OR51M1: variants seen among roughly 807,000 people sequenced by gnomAD.
OR51M1 encodes the protein olfactory receptor 51M1.
For missense variants in OR51M1, 509 were observed against 404.4 expected, an observed-to-expected ratio of 1.26 and a Z score of -2.22; for synonymous variants, 199 against 155.1, an observed-to-expected ratio of 1.28 and a Z score of -2.10.
Position 5,391,963 on chromosome 11 carries a change from G to A in OR51M1, c.*1584G>A, listed in dbSNP as rs1204155580. ...GCACGTCTGTAGTCTCAGCTACCTG[G>A]GAGGCTGAGGTGGGAAGAATGCTTG... is the stretch of plus-strand genomic sequence containing the variant. On this transcript the variant is annotated 3_prime_UTR_variant, in exon 3 of 3. Transcript: ENST00000642046. 1 of 152,266 alleles carries A rather than the reference G, an allele frequency of 6.6e-6. No homozygotes were observed. The highest frequency in any genetic ancestry group is 2.4e-5 in the African/African-American group (1 of 41,450). 9.4% of individuals were successfully genotyped at this position (152,266 alleles called of 1,614,324 possible). A position where few individuals can be genotyped will look rare whatever the true frequency, so the allele number is the denominator to read the frequency against.
chr11:5,384,175 C>G (rs547801746), intron 1 of OR51M1, among the ~76,000 whole-genome samples: 1 of 152,028 alleles, frequency 6.6e-6, no homozygotes, highest in East Asian at 1.9e-4. Flanking sequence ...GTTGTTGTTT[C>G]TTTGTTTGTT....
chr11:5,389,397 G>A lies in OR51M1; in HGVS notation c.-2G>A. 1.2e-6 allele frequency: 2 copies of A among 1,610,256 alleles called. No individual in the cohort carries two copies. Among genetic ancestry groups the A allele is most frequent in the Non-Finnish European group, 1.7e-6 (2 of 1,177,026 alleles). ...ATTTATTTTCAGCTCAATCCCCGAG[G>A]AATGTCAGTCCAATATTCGCTCAGT... On this transcript the variant is annotated 5_prime_UTR_variant, in exon 3 of 3. Coordinates refer to ENST00000642046, the MANE Select transcript of OR51M1 (RefSeq NM_001004756.3).
At chr11:5,385,685 C>G (rs1376376282) in intron 2 of OR51M1, among the ~76,000 whole-genome samples, 4 of 143,600 alleles carry the variant, frequency 2.8e-5, no homozygotes, top group African/African-American at 8.0e-5. Context: ...TAAATACTAC[C>G]TATAATATAT....
intron 2 of OR51M1, 150 bp downstream of exon 2, chr11:5,385,608 G>C (rs1589967314): frequency 1.3e-5 from 2 of 151,956 alleles, no homozygotes; most frequent in African/African-American, 4.8e-5. Context: ...TTAGGTTGGT[G>C]AAAAATTAAT....
At position 5,390,382 on chromosome 11, in the gene OR51M1, C is replaced by A. The variant is rs376030473; in HGVS notation, c.*3C>A. 1.0e-5 allele frequency: 16 copies of A among 1,581,594 alleles called. No individual in the cohort carries two copies. The highest frequency in any genetic ancestry group is 1.3e-5 in the African/African-American group (1 of 74,388). On this transcript the variant is annotated 3_prime_UTR_variant, in exon 3 of 3. Coordinates refer to ENST00000642046, the MANE Select transcript of OR51M1 (RefSeq NM_001004756.3). ...GTCTTAAAAAGGCCAGTAAATGAGT[C>A]CTGGGGCTAAAACTCCCCCTAGAGG...
In OR51M1 at chr11:5,385,375, T is replaced by C. The variant is rs1849671668; in HGVS notation, c.-99T>C. 6.6e-6 allele frequency: 1 copy of C among 152,232 alleles called. No homozygotes were observed. Among genetic ancestry groups the C allele is most frequent in the African/African-American group, 2.4e-5 (1 of 41,458 alleles). The allele number at this position is 152,232 out of a possible 1,614,324, so 9.4% of individuals were successfully genotyped here. Reference sequence around the variant, plus strand: ...TAGACATCTTGTTTCTACCAGATCCTTCTCCCTGTCCATCTCATCACTCTG... The same window carrying C: ...TAGACATCTTGTTTCTACCAGATCCCTCTCCCTGTCCATCTCATCACTCTG... On this transcript the variant is annotated 5_prime_UTR_variant, in exon 2 of 3. Coordinates refer to ENST00000642046, the MANE Select transcript of OR51M1 (RefSeq NM_001004756.3).
chr11:5,392,476 C>A lies in OR51M1; in HGVS notation c.*2097C>A, dbSNP rs548205989. The A allele has an allele frequency of 6.6e-6, 1 of 152,252 alleles. No homozygotes were observed. The highest frequency in any genetic ancestry group is 2.1e-4 in the South Asian group (1 of 4,816). 9.4% of individuals were successfully genotyped at this position (152,252 alleles called of 1,614,324 possible). ...ATTTTGCCTCTTATTAACAAATAGA[C>A]CACTGACATCTAAATTTCATTTTCA... is the stretch of plus-strand genomic sequence containing the variant. On this transcript the variant is annotated 3_prime_UTR_variant, in exon 3 of 3. Coordinates refer to ENST00000642046, the MANE Select transcript of OR51M1 (RefSeq NM_001004756.3).
At chr11:5,384,715 C>T (rs1280275895) in intron 1 of OR51M1, among the ~76,000 whole-genome samples, 1 of 152,192 alleles carries the variant, frequency 6.6e-6, no homozygotes, top group Non-Finnish European at 1.5e-5. Flanking sequence ...TTATTAAATG[C>T]ATTTTATATG....
At chr11:5,388,487 T>C (rs1455279824) in intron 2 of OR51M1, among the ~76,000 whole-genome samples, 1 of 150,116 alleles carries the variant, frequency 6.7e-6, no homozygotes, top group African/African-American at 2.5e-5. Flanking sequence ...GGGAAAGCTA[T>C]TTCAGGAAAA....
rs1251756355 is a variant in OR51M1, at chr11:5,390,219, A to G, written c.821A>G (p.His274Arg). ...CCCATGATGGGGCTGTCCCTGGTGCACCGTTTTGGGAAGCATGCCCCACCT... is the reference window on the plus strand; with the variant it reads ...CCCATGATGGGGCTGTCCCTGGTGCGCCGTTTTGGGAAGCATGCCCCACCT... ...FVPMMGLSLV[H>R]RFGKHAPPAI... Residue 274 changes from histidine (H) to arginine (R), a missense_variant, in exon 3 of 3, where the codon CAC becomes CGC. His to Arg is a conservative substitution (Grantham distance 29, BLOSUM62 0). Transcript: ENST00000642046. 6.2e-7 allele frequency: 1 copy of G among 1,613,848 alleles called. No individual in the cohort carries two copies. Among genetic ancestry groups the G allele is most frequent in the African/African-American group, 1.3e-5 (1 of 74,916 alleles).
chr11:5,386,470 T>G (rs756121813), intron 2 of OR51M1, among the ~76,000 whole-genome samples: 1 of 152,242 alleles, frequency 6.6e-6, no homozygotes, highest in South Asian at 2.1e-4. Flanking sequence ...ACATGAAATA[T>G]TCATGATTAT....
At position 5,389,878 on chromosome 11, in the gene OR51M1, C is replaced by A. The variant is rs368642287; in HGVS notation, c.480C>A (p.Val160=). 1 of 1,613,304 alleles carries A rather than the reference C, an allele frequency of 6.2e-7. No homozygotes were observed. Among genetic ancestry groups the A allele is most frequent in the South Asian group, 1.1e-5 (1 of 91,074 alleles). ...AAGTGGTCAGAGCAGGCCTAATTGT[C>A]ATCTTCCGGGGACCTGTGGCCACTA... ...GQQVVRAGLI[V]IFRGPVATIP... Residue 160 remains valine (V), a synonymous_variant, in exon 3 of 3, where the codon GTC becomes GTA. Transcript: ENST00000642046.
chr11:5,385,306 T>C (rs1564795480), intron 1 of OR51M1, 47 bp from the exon 2 acceptor site: 1 of 152,202 alleles, frequency 6.6e-6, no homozygotes, highest in Non-Finnish European at 1.5e-5. Flanking sequence ...AGAGGAAGTA[T>C]ACTTTCCAAG....
chr11:5,385,904 C>T (rs1221535153), intron 2 of OR51M1, among the ~76,000 whole-genome samples: 2 of 148,548 alleles, frequency 1.3e-5, no homozygotes, highest in African/African-American at 2.5e-5. Context: ...GTTATTTAAA[C>T]TTATACATAT....
In OR51M1 at chr11:5,393,242, T is replaced by A. The variant is rs888613013; in HGVS notation, c.*2863T>A. 1.4e-4 allele frequency: 22 copies of A among 152,220 alleles called. No individual in the cohort carries two copies. The highest frequency in any genetic ancestry group is 2.5e-4 in the Non-Finnish European group (17 of 68,032). 9.4% of individuals were successfully genotyped at this position (152,220 alleles called of 1,614,324 possible). On this transcript the variant is annotated 3_prime_UTR_variant, in exon 3 of 3. Transcript: ENST00000642046. ...TTTAATAAGTGAATATTATAATTTGTGTTATTGTTCATAATTTTAAGAATG... is the reference window on the plus strand; with the variant it reads ...TTTAATAAGTGAATATTATAATTTGAGTTATTGTTCATAATTTTAAGAATG...
chr11:5,386,251 C>G (rs1849693832), intron 2 of OR51M1, among the ~76,000 whole-genome samples: 1 of 151,712 alleles, frequency 6.6e-6, no homozygotes. Context: ...GGTGTGTTGA[C>G]TGGGAAAAGA....
intron 2 of OR51M1, among the ~76,000 whole-genome samples, chr11:5,385,691 T>TAG (rs1849678548): frequency 6.9e-6 from 1 of 144,228 alleles, no homozygotes; most frequent in African/African-American, 2.6e-5. Context: ...CTACCTATAA[T>TAG]ATATATGTTG....
intron 2 of OR51M1, among the ~76,000 whole-genome samples, chr11:5,386,075 T>C (rs1381279171): frequency 6.6e-6 from 1 of 151,976 alleles, no homozygotes; most frequent in Admixed American, 6.6e-5. Context: ...CAGAAGGAAG[T>C]CAGGAGAGAT....
chr11:5,388,909 T>C (rs1427408639), intron 2 of OR51M1, among the ~76,000 whole-genome samples: 1 of 152,114 alleles, frequency 6.6e-6, no homozygotes, highest in East Asian at 1.9e-4. Context: ...AGAGATGTGA[T>C]ATGGAGAAGT....
Sources: allele counts gnomAD v4.1 joint callset (sites outside exome capture counted in the v4.1 genomes callset), GRCh38; gene constraint gnomAD v4.1.1; transcripts MANE v1.5; gene names NCBI Gene and HGNC (gene_info 2026-07-23, HGNC 2026-07-21).